UNC79: variants seen among roughly 807,000 people sequenced by gnomAD.
UNC79 encodes the protein unc-79 subunit of NALCN channel complex, also known as protein unc-79 homolog.
Under a neutral mutation model 283.1 loss-of-function variants are expected in UNC79, and 37 were observed. That is an observed-to-expected ratio of 0.13 (90% CI 0.10 to 0.17). UNC79 has a LOEUF of 0.17. Ranked by LOEUF, UNC79 falls within the 10% of genes least tolerant of loss-of-function variation. UNC79 has a pLI of 1.00. For synonymous variants in UNC79, 1,107 were observed against 1,200.2 expected, an observed-to-expected ratio of 0.92 and a Z score of 1.61; for missense variants, 2,272 against 3,211.1, an observed-to-expected ratio of 0.71 and a Z score of 7.07.
chr14:93,358,531 A>G (rs1015443490), intron 1 of UNC79, among the ~76,000 whole-genome samples: 3 of 152,206 alleles, frequency 2.0e-5, no homozygotes, highest in Non-Finnish European at 4.4e-5. Context: ...AGGTGGATGC[A>G]CAGCCTCACC....
At chr14:93,467,900 C>G (rs1291409889) in intron 2 of UNC79, 109 bp downstream of exon 2, 1 of 1,274,164 alleles carries the variant, frequency 7.8e-7, no homozygotes, top group African/African-American at 1.6e-5. Context: ...CCTATGTTTT[C>G]TAGTGCTCTG....
downstream of UNC79, chr14:93,707,686 G>A (rs1454198351): frequency 1.3e-5 from 2 of 152,190 alleles, no homozygotes; most frequent in South Asian, 4.1e-4. Flanking sequence ...CCCTGCACCT[G>A]GAGTGATGTT....
chr14:93,688,781 C>T lies in UNC79; in HGVS notation c.7026C>T (p.Asn2342=), dbSNP rs774642025. ...TCTCACGGGGCAACCACAGAGATAA[C>T]AAAGCTGTGATCCGCTATCTGCCTT... is the stretch of plus-strand genomic sequence containing the variant. The change falls in exon 44 of 49, where the codon AAC becomes AAT. Residue 2342 remains asparagine (N), a synonymous_variant. Transcript: ENST00000555664. The surrounding 1 kb of genome is among the most constrained non-coding windows in gnomAD (Gnocchi z 4.0). The T allele has an allele frequency of 2.5e-6, 4 of 1,613,968 alleles. No homozygotes were observed. Among genetic ancestry groups the T allele is most frequent in the Admixed American group, 3.3e-5 (2 of 59,990 alleles).
chr14:93,334,412 G>T (rs2053529358), intron 1 of UNC79: 1 of 152,186 alleles, frequency 6.6e-6, no homozygotes, highest in African/African-American at 2.4e-5. Flanking sequence ...CCTCTAGCTG[G>T]TAAGGGTCAC....
chr14:93,493,271 G>A (rs1566996895), intron 5 of UNC79, among the ~76,000 whole-genome samples: 1 of 152,154 alleles, frequency 6.6e-6, no homozygotes, highest in Non-Finnish European at 1.5e-5. Context: ...CAGTGTAGCT[G>A]GAACTCAGAG....
chr14:93,424,757 A>C (rs1057158922), intron 1 of UNC79, among the ~76,000 whole-genome samples: 5 of 152,146 alleles, frequency 3.3e-5, no homozygotes, highest in African/African-American at 7.2e-5. Flanking sequence ...GTTAATGGGT[A>C]CAAAAAATAG....
At chr14:93,663,505 G>T (rs966817400) in intron 40 of UNC79, among the ~76,000 whole-genome samples, 3 of 152,062 alleles carry the variant, frequency 2.0e-5, no homozygotes, top group Non-Finnish European at 1.5e-5. Flanking sequence ...TCTTATTCAT[G>T]TTGTCCATTT....
At chr14:93,498,284 T>TA (rs1378646394) in intron 7 of UNC79, among the ~76,000 whole-genome samples, 1 of 149,750 alleles carries the variant, frequency 6.7e-6, no homozygotes, top group African/African-American at 2.5e-5. Flanking sequence ...ATAATAATAA[T>TA]AATAAATAAA....
rs1343435154 is a variant in UNC79 at position 93,643,241 on chromosome 14, A to T, written c.5904-316A>T. Among the ~76,000 whole-genome samples the T allele has an allele frequency of 2.6e-5, 4 of 152,220 alleles. No individual in the cohort carries two copies. In the East Asian group the frequency reaches 7.7e-4, roughly 29 times the overall value. Reference sequence around the variant, plus strand: ...GTCAAATGCATCAAATCCTTCATCCACAGGCTTCAAACTGATGGCCCAGTT... The same window carrying T: ...GTCAAATGCATCAAATCCTTCATCCTCAGGCTTCAAACTGATGGCCCAGTT... On this transcript the variant is annotated intron_variant, in intron 33 of 48. Transcript: ENST00000555664.
intron 40 of UNC79, 27 bp downstream of exon 43, chr14:93,662,741 C>A: frequency 6.5e-7 from 1 of 1,532,506 alleles, no homozygotes. Flanking sequence ...ATGTGTGTTC[C>A]TGTGAAACTG....
chr14:93,431,088 C>T (rs1423620272), intron 1 of UNC79, 37 bp downstream of exon 1: 2 of 663,982 alleles, frequency 3.0e-6, no homozygotes, highest in Admixed American at 2.1e-5. Context: ...GGCCCGGCCT[C>T]GGCTGGGAGC....
intron 1 of UNC79, among the ~76,000 whole-genome samples, chr14:93,358,494 T>C (rs977177916): frequency 6.6e-6 from 1 of 152,180 alleles, no homozygotes; most frequent in African/African-American, 2.4e-5. Context: ...CAAGCTCTTA[T>C]CACGTGCATG....
chr14:93,360,053 A>G (rs1387981250), intron 1 of UNC79, among the ~76,000 whole-genome samples: 1 of 152,168 alleles, frequency 6.6e-6, no homozygotes, highest in Non-Finnish European at 1.5e-5. Flanking sequence ...AGGTAAGGTA[A>G]TTAATGGAGT....
intron 22 of UNC79, among the ~76,000 whole-genome samples, chr14:93,590,304 T>C (rs1037669118): frequency 2.0e-5 from 3 of 152,118 alleles, no homozygotes; most frequent in African/African-American, 7.2e-5. Context: ...AGAAGTTTCT[T>C]CCCAAGAAAA....
At chr14:93,626,379 T>G (rs901406723) in intron 30 of UNC79, among the ~76,000 whole-genome samples, 11 of 152,202 alleles carry the variant, frequency 7.2e-5, no homozygotes, top group African/African-American at 2.7e-4. Context: ...TTTCCACATG[T>G]GGACACGATT....
At chr14:93,586,997 T>TGGCTCACGCC in intron 22 of UNC79, 89 bp downstream of exon 22, 1 of 1,520,734 alleles carries the variant, frequency 6.6e-7, no homozygotes, top group Non-Finnish European at 8.8e-7. Context: ...ACTGGCTTGT[T>TGGCTCACGCC]TGGGTTATTT....
intron 1 of UNC79, among the ~76,000 whole-genome samples, chr14:93,411,685 ACAAT>A (rs143840505): frequency 0.12 from 17,857 of 152,242 alleles, 1,276 homozygotes; most frequent in African/African-American, 0.2. Flanking sequence ...CTCTTCCAAG[ACAAT>A]CAAGGTGGTA....
chr14:93,655,355 G>A (rs373246546), exon 38 of UNC79: 13 of 1,614,072 alleles, frequency 8.1e-6, no homozygotes, highest in Non-Finnish European at 1.0e-5. Flanking sequence ...ACCACAATTA[G>A]CAACCAGTTT....
intron 1 of UNC79, among the ~76,000 whole-genome samples, chr14:93,436,262 C>G (rs1197108773): frequency 6.6e-6 from 1 of 152,110 alleles, no homozygotes; most frequent in East Asian, 1.9e-4. Flanking sequence ...AAAATGCATG[C>G]TTTTCAAATG....
Sources: allele counts gnomAD v4.1 joint callset (sites outside exome capture counted in the v4.1 genomes callset), GRCh38; gene constraint gnomAD v4.1.1; non-coding constraint Gnocchi (gnomAD v3.1); transcripts MANE v1.5; gene names NCBI Gene and HGNC (gene_info 2026-07-23, HGNC 2026-07-21).